Variants in TANC2 observed in about 807,000 individuals in gnomAD.
The protein encoded by TANC2 is protein TANC2.
In TANC2, 26 loss-of-function variants were observed where a neutral mutation model predicts 210.5. The observed-to-expected ratio is 0.12, with a 90% CI of 0.09 to 0.17. The LOEUF is 0.17. Among genes scored for constraint, TANC2 ranks in the 10% least tolerant of loss-of-function variants. The pLI, the probability that TANC2 is intolerant of heterozygous loss-of-function variation, is 1.00. For synonymous variants in TANC2, 931 were observed against 967.1 expected (o/e 0.96, Z 0.69); for missense variants, 2,129 against 2,608.9 (o/e 0.82, Z 4.01).
intron 4 of TANC2, among the ~76,000 whole-genome samples, chr17:63,140,156 T>G (rs1238043968): frequency 6.6e-6 from 1 of 152,198 alleles, no homozygotes; most frequent in African/African-American, 2.4e-5. Context: ...ACTTAAACCT[T>G]CAAATGATTC....
intron 2 of TANC2, among the ~76,000 whole-genome samples, chr17:63,058,793 G>A (rs1170825098): frequency 1.3e-5 from 2 of 151,934 alleles, no homozygotes; most frequent in African/African-American, 4.8e-5. Flanking sequence ...GTCTGTTTTT[G>A]TATCAGTTTT....
intron 2 of TANC2, among the ~76,000 whole-genome samples, chr17:63,038,625 T>G (rs1416022380): frequency 2.6e-5 from 4 of 152,210 alleles, no homozygotes; most frequent in African/African-American, 2.4e-5. Context: ...AATTCACCTG[T>G]TTAGTTATTT....
chr17:63,226,705 A>G (rs537906024), intron 7 of TANC2, among the ~76,000 whole-genome samples: 1 of 152,262 alleles, frequency 6.6e-6, no homozygotes, highest in East Asian at 1.9e-4. Context: ...CCCGTCACCT[A>G]GGTATTAAGC....
chr17:63,200,670 T>G lies in TANC2; in HGVS notation c.583-101T>G, dbSNP rs1405791583. The G allele has an allele frequency of 4.8e-6, 5 of 1,033,696 alleles. No homozygotes were observed. The African/African-American group carries it at 8.1e-5, about 17-fold the overall frequency. 64.0% of individuals were successfully genotyped at this position (1,033,696 alleles called of 1,614,324 possible). A position where few individuals can be genotyped will look rare whatever the true frequency, so the allele number is the denominator to read the frequency against. ...TAGAGCCTAATAGATGTAAAAGCTA[T>G]GCATGTAGTTTTTTTTTTCATCAAA... On this transcript the variant is annotated intron_variant, in intron 6 of 27. Coordinates refer to ENST00000689528, the Ensembl canonical transcript of TANC2.
chr17:63,345,872 C>T (rs558381156), intron 12 of TANC2, among the ~76,000 whole-genome samples: 1 of 152,242 alleles, frequency 6.6e-6, no homozygotes, highest in East Asian at 1.9e-4. Flanking sequence ...GCAATCAGCT[C>T]TCATGAGCCA....
At chr17:63,133,936 A>T (rs1186244418) in intron 4 of TANC2, among the ~76,000 whole-genome samples, 1 of 152,186 alleles carries the variant, frequency 6.6e-6, no homozygotes, top group Non-Finnish European at 1.5e-5. Flanking sequence ...AAACCAACTT[A>T]GCATGATTTT....
At chr17:63,387,369 T>C (rs7219930) in intron 15 of TANC2, among the ~76,000 whole-genome samples, 89,600 of 151,930 alleles carry the variant, frequency 0.59, 29,005 homozygotes, top group African/African-American at 0.86. Flanking sequence ...GACCCTGAAC[T>C]CTCTATGGGA....
chr17:63,206,196 A>G (rs546242828), intron 7 of TANC2, among the ~76,000 whole-genome samples: 2 of 152,376 alleles, frequency 1.3e-5, no homozygotes, highest in African/African-American at 4.8e-5. Flanking sequence ...AGAAAGTGGA[A>G]CATAACAAGT....
At chr17:63,353,507 A>G (rs1223611276) in intron 13 of TANC2, among the ~76,000 whole-genome samples, 1 of 152,132 alleles carries the variant, frequency 6.6e-6, no homozygotes, top group Admixed American at 6.6e-5. Context: ...GAGTAGACAG[A>G]TATAAGATGG....
chr17:63,157,395 G>C (rs1044573106), intron 5 of TANC2, among the ~76,000 whole-genome samples: 5 of 152,170 alleles, frequency 3.3e-5, no homozygotes, highest in Non-Finnish European at 7.4e-5. Flanking sequence ...TCTGAATGTG[G>C]TGTTTAGATC....
At chr17:63,346,189 T>G (rs1223469147) in intron 12 of TANC2, among the ~76,000 whole-genome samples, 4 of 152,192 alleles carry the variant, frequency 2.6e-5, no homozygotes, top group Admixed American at 2.6e-4. Context: ...AAACATAGAA[T>G]ATCTTCACAA....
intron 5 of TANC2, among the ~76,000 whole-genome samples, chr17:63,179,592 ATAATAT>A (rs956497766): frequency 6.6e-6 from 1 of 152,210 alleles, no homozygotes; most frequent in Non-Finnish European, 1.5e-5. Flanking sequence ...CTGTTTTAAA[ATAATAT>A]TAAATATGCT....
intron 14 of TANC2, among the ~76,000 whole-genome samples, chr17:63,355,836 T>A (rs1053728348): frequency 6.6e-6 from 1 of 152,196 alleles, no homozygotes; most frequent in African/African-American, 2.4e-5. Flanking sequence ...ACTAAATCCA[T>A]TAAAGTCCAG....
chr17:63,290,903 ATT>A (rs2044363857), intron 9 of TANC2, among the ~76,000 whole-genome samples: 1 of 152,210 alleles, frequency 6.6e-6, no homozygotes, highest in Non-Finnish European at 1.5e-5. Context: ...TAAATGAGTC[ATT>A]GTTTACATAA....
intron 9 of TANC2, among the ~76,000 whole-genome samples, chr17:63,284,411 C>G (rs2044157991): frequency 6.6e-6 from 1 of 151,688 alleles, no homozygotes; most frequent in Non-Finnish European, 1.5e-5. Context: ...ATGTCTTTGT[C>G]TGGTTTTAGT....
chr17:63,354,359 TAGG>T (rs772080881), intron 13 of TANC2, among the ~76,000 whole-genome samples: 3 of 152,176 alleles, frequency 2.0e-5, no homozygotes, highest in Non-Finnish European at 2.9e-5. Flanking sequence ...GTCATTTTAT[TAGG>T]AGAGTTAGAA....
intron 3 of TANC2, among the ~76,000 whole-genome samples, chr17:63,087,076 G>T (rs142770637): frequency 1.3e-5 from 2 of 152,160 alleles, no homozygotes; most frequent in Non-Finnish European, 2.9e-5. Flanking sequence ...TCTTGGTTCC[G>T]TGCCACCTTT....
At chr17:63,167,182 C>T (rs982815734) in intron 5 of TANC2, among the ~76,000 whole-genome samples, 6 of 152,126 alleles carry the variant, frequency 3.9e-5, no homozygotes, top group African/African-American at 1.2e-4. Flanking sequence ...TTTGTATAAG[C>T]TACTTAACCT....
rs1167506408 is a variant in TANC2, at chr17:62,966,532, C to G, written c.-241C>G. ...GCCGAGCCGAGGGGCGAGAGCTGGC[C>G]CCCGAGCCGCCGCTGACAGGAGCAC... On this transcript the variant is annotated 5_prime_UTR_variant, in exon 1 of 28. Transcript: ENST00000689528. This position sits in a 1 kb window ranked among gnomAD's most constrained non-coding sequence, Gnocchi z 5.1. 6.7e-6 allele frequency among the ~76,000 whole-genome samples: 1 copy of G among 150,108 alleles called. No homozygotes were observed. The highest frequency in any genetic ancestry group is 1.5e-5 in the Non-Finnish European group (1 of 67,304).
Sources: gnomAD v4.1 joint callset for allele counts (sites outside exome capture counted in the v4.1 genomes callset) on GRCh38, gnomAD v4.1.1 for gene constraint, Gnocchi (gnomAD v3.1) non-coding constraint, MANE v1.5 for transcripts, NCBI Gene and HGNC (gene_info 2026-07-23, HGNC 2026-07-21) for gene names.